Variants in HECW2 observed in about 807,000 individuals in gnomAD.
HECW2 encodes the protein E3 ubiquitin-protein ligase HECW2.
Under a neutral mutation model 175.2 loss-of-function variants are expected in HECW2, and 61 were observed. The ratio of observed to expected loss-of-function variants is 0.35; its 90% CI spans 0.28 to 0.43. The LOEUF is 0.43. Among genes scored for constraint, HECW2 ranks in the 20% least tolerant of loss-of-function variants. HECW2 has a pLI of 1.00. For synonymous variants in HECW2, 671 were observed against 731.0 expected, an observed-to-expected ratio of 0.92 and a Z score of 1.32; for missense variants, 1,524 against 2,000.5, an observed-to-expected ratio of 0.76 and a Z score of 4.54.
intron 13 of HECW2, among the ~76,000 whole-genome samples, 194 bp downstream of exon 13, chr2:196,306,294 A>G (rs770286369): frequency 6.6e-6 from 1 of 152,208 alleles, no homozygotes; most frequent in African/African-American, 2.4e-5. Flanking sequence ...GTGCTTTGTT[A>G]TAGCAGCCCA....
intron 1 of HECW2, among the ~76,000 whole-genome samples, chr2:196,549,894 C>G (rs1448050684): frequency 6.6e-6 from 1 of 152,164 alleles, no homozygotes; most frequent in Non-Finnish European, 1.5e-5. Context: ...CCCATAGACC[C>G]TTTCTCCCAA....
At chr2:196,475,441 A>T (rs1686554068) in intron 1 of HECW2, among the ~76,000 whole-genome samples, 1 of 151,822 alleles carries the variant, frequency 6.6e-6, no homozygotes, top group Non-Finnish European at 1.5e-5. Context: ...GAGGGAAAAA[A>T]GGAGGGCGGC....
intron 2 of HECW2, among the ~76,000 whole-genome samples, chr2:196,344,655 C>T (rs1023693238): frequency 4.6e-5 from 7 of 152,078 alleles, no homozygotes; most frequent in South Asian, 4.1e-4. Context: ...CTAGAAAACA[C>T]GAAAAGGAGA....
At chr2:196,479,830 C>T (rs1258082978) in intron 1 of HECW2, among the ~76,000 whole-genome samples, 2 of 152,148 alleles carry the variant, frequency 1.3e-5, no homozygotes, top group Non-Finnish European at 2.9e-5. Context: ...TGTTACCATC[C>T]TCTTGCCTGA....
chr2:196,240,376 A>T, intron 21 of HECW2, 73 bp downstream of exon 21: 1 of 1,093,750 alleles, frequency 9.1e-7, no homozygotes, highest in Non-Finnish European at 1.3e-6. Flanking sequence ...TCAGGCAACC[A>T]CAGCGACGTG....
At chr2:196,280,706 T>TG (rs1301938118) in intron 14 of HECW2, among the ~76,000 whole-genome samples, 1 of 152,230 alleles carries the variant, frequency 6.6e-6, no homozygotes, top group African/African-American at 2.4e-5. Flanking sequence ...TGTGTGGACT[T>TG]GCATTGACAG....
At chr2:196,433,488 A>T (rs374436257) in intron 1 of HECW2, 30 bp from the exon 2 acceptor site, 66 of 1,509,372 alleles carry the variant, frequency 4.4e-5, no homozygotes, top group Non-Finnish European at 4.4e-5. Flanking sequence ...ATAAAACATT[A>T]GTGCTACAAT....
intron 1 of HECW2, among the ~76,000 whole-genome samples, chr2:196,482,292 C>T (rs924350178): frequency 9.2e-5 from 14 of 152,236 alleles, no homozygotes; most frequent in African/African-American, 3.4e-4. Flanking sequence ...AGTTATTGGA[C>T]TGACGGTGCC....
At chr2:196,474,907 T>C (rs536061449) in intron 1 of HECW2, among the ~76,000 whole-genome samples, 2 of 152,298 alleles carry the variant, frequency 1.3e-5, no homozygotes, top group South Asian at 4.1e-4. Context: ...TAGAATATGT[T>C]CAATAGCAGA....
chr2:196,586,018 A>C (rs1442764118), intron 1 of HECW2, among the ~76,000 whole-genome samples: 1 of 152,182 alleles, frequency 6.6e-6, no homozygotes, highest in Non-Finnish European at 1.5e-5. Flanking sequence ...GGTTCTCTAC[A>C]TGCTCTCAAA....
intron 1 of HECW2, among the ~76,000 whole-genome samples, chr2:196,479,861 T>C (rs1470265965): frequency 6.6e-6 from 1 of 152,222 alleles, no homozygotes. Flanking sequence ...GCTTGTCTCT[T>C]AAATGGTCTC....
At chr2:196,397,486 G>A (rs570978833) in intron 2 of HECW2, among the ~76,000 whole-genome samples, 199 of 152,302 alleles carry the variant, frequency 1.3e-3, no homozygotes, top group Non-Finnish European at 2.2e-3. Flanking sequence ...TCTTTTTGGG[G>A]TGAAGGCAGC....
chr2:196,425,638 G>A (rs974584181), intron 2 of HECW2, among the ~76,000 whole-genome samples: 3 of 152,124 alleles, frequency 2.0e-5, no homozygotes, highest in Admixed American at 6.6e-5. Flanking sequence ...AGAATTAGAA[G>A]TGGTGCCTGA....
At chr2:196,309,767 T>TA (rs1340918988) in intron 10 of HECW2, among the ~76,000 whole-genome samples, 12 of 152,140 alleles carry the variant, frequency 7.9e-5, no homozygotes, top group Admixed American at 1.3e-4. Context: ...CAATTCAGGA[T>TA]AAAAAAATAG....
chr2:196,268,262 A>G lies in HECW2; in HGVS notation c.3335+2931T>C, dbSNP rs186404260. Among the ~76,000 whole-genome samples the G allele has an allele frequency of 2.5e-3, 374 of 152,372 alleles. 2 individuals are homozygous for G. The highest frequency in any genetic ancestry group is 8.5e-3 in the African/African-American group (354 of 41,582). On this transcript the variant is annotated intron_variant, in intron 17 of 28. Coordinates refer to ENST00000644978, the MANE Select transcript of HECW2 (RefSeq NM_001348768.2). ...TTATCTCATTGATTTACTTTTACTT[A>G]TCATGACAGCATCTGCTTCCCATGG...
chr2:196,277,680 T>G (rs1690009427), intron 15 of HECW2, among the ~76,000 whole-genome samples: 2 of 152,250 alleles, frequency 1.3e-5, no homozygotes, highest in Admixed American at 1.3e-4. Context: ...TGCACACGTA[T>G]GTTTACTGTG....
intron 1 of HECW2, among the ~76,000 whole-genome samples, chr2:196,548,182 G>T (rs1438795756): frequency 6.6e-6 from 1 of 151,696 alleles, no homozygotes; most frequent in Non-Finnish European, 1.5e-5. Flanking sequence ...ACAAAAATAA[G>T]CCAGGCTGTG....
Position 196,296,023 on chromosome 2 carries a change from T to C in HECW2, c.2815-3273A>G, listed in dbSNP as rs1303564687. 3.3e-5 allele frequency among the ~76,000 whole-genome samples: 5 copies of C among 152,202 alleles called. No individual in the cohort carries two copies. The East Asian group carries it at 9.6e-4, about 29-fold the overall frequency. On this transcript the variant is annotated intron_variant, in intron 13 of 28. Coordinates refer to ENST00000644978, the MANE Select transcript of HECW2 (RefSeq NM_001348768.2). ...GTAAGTACATGACTGTTAGGGTCTA[T>C]ACAAAACTCTTAAGCCAAACAGGAA...
intron 28 of HECW2, among the ~76,000 whole-genome samples, chr2:196,212,928 G>A (rs1687344273): frequency 1.3e-5 from 2 of 152,166 alleles, no homozygotes; most frequent in South Asian, 4.1e-4. Flanking sequence ...GAAATACACT[G>A]GGGCCAACTA....
Sources: allele counts gnomAD v4.1 joint callset (sites outside exome capture counted in the v4.1 genomes callset), GRCh38; gene constraint gnomAD v4.1.1; transcripts MANE v1.5; gene names NCBI Gene and HGNC (gene_info 2026-07-23, HGNC 2026-07-21).